Variants in PCDH15 observed in about 807,000 individuals in gnomAD.
The protein encoded by PCDH15 is protocadherin related 15.
Under a neutral mutation model 178.5 loss-of-function variants are expected in PCDH15, and 129 were observed. The ratio of observed to expected loss-of-function variants is 0.72; its 90% CI spans 0.63 to 0.84. The LOEUF (loss-of-function observed/expected upper bound fraction) is 0.84. Among genes scored for constraint, PCDH15 ranks in the 40% least tolerant of loss-of-function variants. The pLI is 0.00. For missense variants in PCDH15, 2,230 were observed against 2,099.9 expected, an observed-to-expected ratio of 1.06 and a Z score of -1.21; for synonymous variants, 800 against 732.0, an observed-to-expected ratio of 1.09 and a Z score of -1.50.
chr10:54,512,503 A>G (rs2081801493), intron 3 of PCDH15, among the ~76,000 whole-genome samples: 1 of 151,888 alleles, frequency 6.6e-6, no homozygotes, highest in Non-Finnish European at 1.5e-5. Flanking sequence ...TTAATTTTTT[A>G]ATGAAGAAAG....
intron 37 of PCDH15, chr10:53,809,179 T>C: frequency 3.1e-6 from 5 of 1,613,970 alleles, no homozygotes; most frequent in Non-Finnish European, 4.2e-6. Flanking sequence ...CTCAGATTCC[T>C]CTTCTGTAGT....
chr10:55,045,752 G>A (rs1388760427), intron 2 of PCDH15, among the ~76,000 whole-genome samples: 2 of 152,010 alleles, frequency 1.3e-5, no homozygotes, highest in Non-Finnish European at 2.9e-5. Context: ...GCTCATGATA[G>A]AGCATTTTCA....
chr10:54,182,989 G>T (rs1362147534), intron 13 of PCDH15, among the ~76,000 whole-genome samples: 3 of 149,948 alleles, frequency 2.0e-5, no homozygotes, highest in Admixed American at 2.0e-4. Context: ...TTTTGTTTTT[G>T]TTTTTTTTTG....
chr10:54,473,116 C>G (rs1255867316), intron 3 of PCDH15, among the ~76,000 whole-genome samples: 1 of 151,836 alleles, frequency 6.6e-6, no homozygotes, highest in Non-Finnish European at 1.5e-5. Flanking sequence ...AGATAATGGC[C>G]ACAGGAGTCA....
chr10:54,185,206 C>A lies in PCDH15; in HGVS notation c.1368G>T (p.Gln456His), dbSNP rs1362893430. The change falls in exon 12 of 38, where the codon CAG (glutamine) becomes CAT (histidine). Residue 456 changes from glutamine to histidine, a missense_variant. Physicochemically the swap from Gln to His is conservative, Grantham distance 24 (BLOSUM62 0). Transcript: ENST00000644397. ...NDYTSVFTVTQTGITRYLTLL... is the reference protein window; with the variant it reads ...NDYTSVFTVTHTGITRYLTLL... ...AGGTGAGGTAGCGAGTAATACCAGT[C>A]TGTGTGACGGTGAAGACTGAGGTGT... is the stretch of plus-strand genomic sequence containing the variant. The A allele has an allele frequency of 6.2e-7, 1 of 1,613,544 alleles. No homozygotes were observed. The highest frequency in any genetic ancestry group is 8.5e-7 in the Non-Finnish European group (1 of 1,179,648).
At chr10:54,269,526 G>C (rs1292261509) in intron 8 of PCDH15, among the ~76,000 whole-genome samples, 1 of 151,908 alleles carries the variant, frequency 6.6e-6, no homozygotes, top group Non-Finnish European at 1.5e-5. Context: ...GTCTTCAACA[G>C]AATAACAGTG....
At chr10:54,832,982 G>A (rs1288673960) in intron 3 of PCDH15, among the ~76,000 whole-genome samples, 1 of 152,122 alleles carries the variant, frequency 6.6e-6, no homozygotes, top group East Asian at 1.9e-4. Context: ...CAGTTAATAA[G>A]TGGCAGTTCT....
At chr10:54,905,988 A>C (rs1263264591) in intron 2 of PCDH15, among the ~76,000 whole-genome samples, 1 of 152,140 alleles carries the variant, frequency 6.6e-6, no homozygotes, top group Non-Finnish European at 1.5e-5. Context: ...AACAATGTAC[A>C]ATTCAAAGGT....
At chr10:55,365,149 C>T (rs1430943319) in intron 2 of PCDH15, among the ~76,000 whole-genome samples, 5 of 152,064 alleles carry the variant, frequency 3.3e-5, no homozygotes, top group African/African-American at 1.2e-4. Flanking sequence ...ATGTGTCAGA[C>T]TTCCTCAATT....
At chr10:54,449,882 G>A (rs1456436530) in intron 3 of PCDH15, among the ~76,000 whole-genome samples, 2 of 151,630 alleles carry the variant, frequency 1.3e-5, no homozygotes, top group Admixed American at 1.3e-4. Context: ...CATGGATACT[G>A]AGAGACAAAC....
intron 37 of PCDH15, chr10:53,809,071 A>G (rs1246058470): frequency 6.2e-7 from 1 of 1,613,470 alleles, no homozygotes; most frequent in South Asian, 1.1e-5. Flanking sequence ...TCTTGCAAGC[A>G]CAATGTTTTT....
intron 2 of PCDH15, among the ~76,000 whole-genome samples, chr10:55,617,227 G>C (rs1455752376): frequency 6.6e-6 from 1 of 152,142 alleles, no homozygotes; most frequent in East Asian, 1.9e-4. Context: ...ATTACACACT[G>C]AGTGTGTGGG....
chr10:54,198,733 C>T lies in PCDH15; in HGVS notation c.1099-2844G>A, dbSNP rs574345800. 6.1e-3 allele frequency among the ~76,000 whole-genome samples: 581 copies of T among 95,244 alleles called. 55 individuals carry two copies. The highest frequency in any genetic ancestry group is 7.7e-3 in the Non-Finnish European group (408 of 53,142). The allele number at this position is 95,244 out of a possible 152,430, so 62.5% of individuals were successfully genotyped here. ...AGCCGGGATGGTCTCGATCTCCTGA[C>T]CTCGTGATCCGCCCGCCTCGGCCTC... On this transcript the variant is annotated intron_variant, in intron 10 of 37. Coordinates refer to ENST00000644397, the MANE Select transcript of PCDH15 (RefSeq NM_001384140.1).
intron 2 of PCDH15, among the ~76,000 whole-genome samples, chr10:55,604,234 G>C (rs1165187351): frequency 1.1e-5 from 1 of 91,586 alleles, no homozygotes; most frequent in African/African-American, 4.3e-5. Flanking sequence ...GGAGCACCCA[G>C]ATTCATAAAG....
At chr10:54,458,999 TGCACC>T (rs1424198801) in intron 3 of PCDH15, among the ~76,000 whole-genome samples, 1 of 152,140 alleles carries the variant, frequency 6.6e-6, no homozygotes, top group East Asian at 1.9e-4. Context: ...GTATACAGTT[TGCACC>T]TTCTCCCCAT....
intron 3 of PCDH15, among the ~76,000 whole-genome samples, chr10:54,445,894 C>T (rs2076114439): frequency 1.3e-5 from 2 of 151,660 alleles, no homozygotes; most frequent in East Asian, 3.9e-4. Flanking sequence ...CTTTTCCATA[C>T]CTATCTTCAT....
At chr10:55,115,718 TC>T (rs576694428) in intron 2 of PCDH15, among the ~76,000 whole-genome samples, 361 of 152,304 alleles carry the variant, frequency 2.4e-3, no homozygotes, top group African/African-American at 8.3e-3. Flanking sequence ...AGTTTCATCT[TC>T]CATCTGCCAT....
chr10:54,527,954 A>T, intron 2 of PCDH15, 77 bp from the exon 3 acceptor site: 1 of 1,121,888 alleles, frequency 8.9e-7, no homozygotes, highest in South Asian at 1.3e-5. Flanking sequence ...ATTGAGATGT[A>T]TATTAATATT....
intron 2 of PCDH15, among the ~76,000 whole-genome samples, chr10:54,969,673 G>A (rs1838883079): frequency 1.3e-5 from 2 of 152,130 alleles, no homozygotes; most frequent in South Asian, 4.1e-4. Context: ...TAAACTCAGA[G>A]ATACCTTCAT....
Sources: allele counts gnomAD v4.1 joint callset (sites outside exome capture counted in the v4.1 genomes callset), GRCh38; gene constraint gnomAD v4.1.1; transcripts MANE v1.5; gene names NCBI Gene and HGNC (gene_info 2026-07-23, HGNC 2026-07-21).